PHF21A: variants seen among roughly 807,000 people sequenced by gnomAD.
PHF21A encodes BHC80a.
PHF21A carries 11 observed loss-of-function variants against 82.5 expected under a neutral mutation model. That is an observed-to-expected ratio of 0.13 (90% confidence interval 0.08 to 0.22). The LOEUF is 0.22. PHF21A is among the 10% of genes least tolerant of loss of function. The pLI, the probability that PHF21A is intolerant of heterozygous loss-of-function variation, is 1.00. For missense variants in PHF21A, 579 were observed against 837.8 expected, an observed-to-expected ratio of 0.69 and a Z score of 3.81; for synonymous variants, 297 against 302.8, an observed-to-expected ratio of 0.98 and a Z score of 0.20.
At chr11:46,109,500 A>C (rs1276751570) in intron 1 of PHF21A, among the ~76,000 whole-genome samples, 5 of 152,194 alleles carry the variant, frequency 3.3e-5, no homozygotes, top group Admixed American at 6.5e-5. Context: ...TTTGTATATT[A>C]ACACATAAAA....
Position 45,979,837 on chromosome 11 carries a change from G to A in PHF21A, c.283C>T (p.Leu95=), listed in dbSNP as rs1346873199. 1 of 1,614,180 alleles carries A rather than the reference G, an allele frequency of 6.2e-7. No individual in the cohort carries two copies. The highest frequency in any genetic ancestry group is 1.7e-5 in the Admixed American group (1 of 60,028). Residue 95 remains leucine (L), a synonymous_variant, in exon 7 of 19, where the codon CTA becomes TTA. Transcript: ENST00000676320. ...QTAQQQPLQQ[L]QQQQQYHHHH... The stretch of plus-strand genomic sequence containing the variant: ...TGGTGGTACTGCTGCTGTTGTTGTA[G>A]TTGCTGTAGTGGTTGCTGCTGTGCT...
At chr11:46,037,640 CAAAAAAA>C (rs1000939610) in intron 6 of PHF21A, among the ~76,000 whole-genome samples, 129 of 59,058 alleles carry the variant, frequency 2.2e-3, no homozygotes, top group Non-Finnish European at 4.3e-3. Flanking sequence ...AACGTCATCT[CAAAAAAA>C]AAAAAAAAAA....
At chr11:45,990,420 G>A (rs1011604706) in intron 6 of PHF21A, among the ~76,000 whole-genome samples, 9 of 151,586 alleles carry the variant, frequency 5.9e-5, no homozygotes, top group Non-Finnish European at 1.2e-4. Flanking sequence ...CACCACGCCC[G>A]GCTAATTTTT....
chr11:46,066,465 C>T (rs1255853513), intron 6 of PHF21A, among the ~76,000 whole-genome samples: 1 of 152,168 alleles, frequency 6.6e-6, no homozygotes, highest in Non-Finnish European at 1.5e-5. Flanking sequence ...ACCTGGAAGG[C>T]TGAGTCAGAA....
At chr11:46,024,030 G>C (rs542278989) in intron 6 of PHF21A, among the ~76,000 whole-genome samples, 1 of 152,176 alleles carries the variant, frequency 6.6e-6, no homozygotes, top group Non-Finnish European at 1.5e-5. Flanking sequence ...GAACACTGAT[G>C]TTCTAAGGAA....
In PHF21A at chr11:46,024,932, C is replaced by T. The variant is rs572612173; in HGVS notation, c.154-44966G>A. On this transcript the variant is annotated intron_variant, in intron 6 of 18. Transcript: ENST00000676320. Reference sequence around the variant, plus strand: ...CTAGACTAGTCTATAAAGCCATCATCCCTTATTATTGAACATCCCTTCCAA... The same window carrying T: ...CTAGACTAGTCTATAAAGCCATCATTCCTTATTATTGAACATCCCTTCCAA... Among the ~76,000 whole-genome samples the T allele has an allele frequency of 2.0e-5, 3 of 152,330 alleles. No individual in the cohort carries two copies. The East Asian group carries it at 5.8e-4, about 29-fold the overall frequency.
chr11:45,990,585 C>T (rs2094660169), intron 6 of PHF21A, among the ~76,000 whole-genome samples: 1 of 151,972 alleles, frequency 6.6e-6, no homozygotes, highest in Non-Finnish European at 1.5e-5. Flanking sequence ...CCAGTATACT[C>T]CTAAGTACTG....
intron 1 of PHF21A, among the ~76,000 whole-genome samples, chr11:46,114,434 AT>A (rs2097262889): frequency 6.6e-6 from 1 of 152,222 alleles, no homozygotes; most frequent in Non-Finnish European, 1.5e-5. Flanking sequence ...AGTCCAAGAA[AT>A]TCCTAACAAG....
At chr11:46,079,215 C>T in intron 4 of PHF21A, 49 bp from the exon 5 acceptor site, 1 of 1,396,258 alleles carries the variant, frequency 7.2e-7, no homozygotes, top group Non-Finnish European at 9.9e-7. Context: ...TATTAACTCC[C>T]TATGGCTAAT....
chr11:46,115,040 A>G (rs1275089751), intron 1 of PHF21A, among the ~76,000 whole-genome samples: 1 of 152,182 alleles, frequency 6.6e-6, no homozygotes, highest in Non-Finnish European at 1.5e-5. Context: ...GGCAGAAAAC[A>G]TTTCTGTAAC....
intron 1 of PHF21A, chr11:46,119,891 G>GGGGCGC (rs1852587330): frequency 6.8e-6 from 1 of 147,606 alleles, no homozygotes; most frequent in African/African-American, 2.5e-5. Context: ...CCCCCCGGCG[G>GGGGCGC]GGGCGCGGGC....
At chr11:45,976,402 C>A (rs1450177188) in intron 7 of PHF21A, among the ~76,000 whole-genome samples, 2 of 152,122 alleles carry the variant, frequency 1.3e-5, no homozygotes, top group African/African-American at 4.8e-5. Flanking sequence ...CTCCACATTA[C>A]CTAGAACAGT....
In PHF21A at chr11:45,965,417, C is replaced by T. The variant is rs771263963; in HGVS notation, c.894G>A (p.Thr298=). ...TGCTGGTGAGCTGGGCCATGGGGAACGTTTTGGCTATGGTTGCAGTCTGCC... is the reference window on the plus strand; with the variant it reads ...TGCTGGTGAGCTGGGCCATGGGGAATGTTTTGGCTATGGTTGCAGTCTGCC... ...VNGQTATIAK[T]FPMAQLTSIV... The change falls in exon 10 of 19, where the codon ACG becomes ACA. Residue 298 remains threonine, a synonymous_variant. Coordinates refer to ENST00000676320, the MANE Select transcript of PHF21A (RefSeq NM_001352027.3). 5.6e-6 allele frequency: 9 copies of T among 1,613,846 alleles called. No individual in the cohort carries two copies. In the African/African-American group the frequency reaches 6.7e-5, roughly 12 times the overall value.
intron 10 of PHF21A, 53 bp from the exon 11 acceptor site, chr11:45,953,678 T>C: frequency 2.6e-6 from 3 of 1,153,364 alleles, no homozygotes; most frequent in South Asian, 1.3e-5. Flanking sequence ...ATTAAAAGGA[T>C]GAAGCAATCA....
chr11:46,027,969 T>C (rs1191530211), intron 6 of PHF21A, among the ~76,000 whole-genome samples: 1 of 152,166 alleles, frequency 6.6e-6, no homozygotes, highest in African/African-American at 2.4e-5. Context: ...ATTTTATTTG[T>C]CAGTAAGGAA....
At chr11:45,967,147 T>C (rs548020954) in intron 9 of PHF21A, among the ~76,000 whole-genome samples, 1 of 152,148 alleles carries the variant, frequency 6.6e-6, no homozygotes, top group Admixed American at 6.5e-5. Flanking sequence ...GGCTGGTGGA[T>C]CACTTGAGGC....
intron 6 of PHF21A, among the ~76,000 whole-genome samples, chr11:46,019,082 ATT>A (rs201568164): frequency 4.8e-5 from 7 of 145,202 alleles, no homozygotes; most frequent in Non-Finnish European, 7.6e-5. Flanking sequence ...GCCTAATCTA[ATT>A]TTTTTTTTTT....
At chr11:45,938,089 G>T in intron 16 of PHF21A, 68 bp downstream of exon 16, 1 of 1,346,766 alleles carries the variant, frequency 7.4e-7, no homozygotes, top group Non-Finnish European at 1.0e-6. Context: ...CCCCGGGAAA[G>T]GAATTCCTCC....
At chr11:45,973,078 C>CA (rs751065490) in intron 7 of PHF21A, among the ~76,000 whole-genome samples, 219 of 151,486 alleles carry the variant, frequency 1.4e-3, no homozygotes, top group Non-Finnish European at 2.1e-3. Context: ...GACTTCGTCT[C>CA]AAAAAAAAAT....
Sources: gnomAD v4.1 joint callset for allele counts (sites outside exome capture counted in the v4.1 genomes callset) on GRCh38, gnomAD v4.1.1 for gene constraint, MANE v1.5 for transcripts, NCBI Gene and HGNC (gene_info 2026-07-23, HGNC 2026-07-21) for gene names.